Variants in TAFA1 observed in about 807,000 individuals in gnomAD.
TAFA1 encodes chemokine-like protein TAFA-1.
Under a neutral mutation model 18.5 loss-of-function variants are expected in TAFA1, and 4 were observed. The ratio of observed to expected loss-of-function variants is 0.22; its 90% confidence interval spans 0.11 to 0.49. The LOEUF (loss-of-function observed/expected upper bound fraction) is 0.49. TAFA1 is among the 20% of genes least tolerant of loss of function. The probability of loss-of-function intolerance (pLI) is 0.98; values close to 1 mark genes in which losing one functional copy is unlikely to be tolerated. For synonymous variants in TAFA1, 56 were observed against 55.2 expected, an observed-to-expected ratio of 1.01 and a Z score of -0.06; for missense variants, 147 against 169.0, an observed-to-expected ratio of 0.87 and a Z score of 0.72.
chr3:68,289,039 A>C (rs994384644), intron 2 of TAFA1, among the ~76,000 whole-genome samples: 2 of 152,358 alleles, frequency 1.3e-5, no homozygotes, highest in Non-Finnish European at 2.9e-5. Flanking sequence ...AGTGAAAACC[A>C]CATATCATAA....
chr3:68,192,166 T>G (rs1575671040), intron 2 of TAFA1, among the ~76,000 whole-genome samples: 1 of 151,844 alleles, frequency 6.6e-6, no homozygotes, highest in East Asian at 1.9e-4. Flanking sequence ...CAGATCCAGG[T>G]GCTGTAAGGG....
chr3:68,330,975 A>T (rs556648924), intron 2 of TAFA1, among the ~76,000 whole-genome samples: 1 of 152,300 alleles, frequency 6.6e-6, no homozygotes, highest in South Asian at 2.1e-4. Flanking sequence ...TTCAAACAAA[A>T]ATTTTTACAG....
intron 2 of TAFA1, among the ~76,000 whole-genome samples, chr3:68,334,137 G>T (rs1368233938): frequency 6.6e-6 from 1 of 152,100 alleles, no homozygotes; most frequent in African/African-American, 2.4e-5. Context: ...GAGAGTAAAT[G>T]GTAAGCTTAT....
intron 2 of TAFA1, among the ~76,000 whole-genome samples, chr3:68,381,922 C>G (rs922672495): frequency 6.6e-6 from 1 of 152,138 alleles, no homozygotes; most frequent in Non-Finnish European, 1.5e-5. Context: ...ATAGATAGCT[C>G]TTATTATTTT....
In TAFA1 at chr3:68,258,763, A is replaced by T. The variant is rs1491742; in HGVS notation, c.119-158517A>T. ...TTGTTGGAGTATCAGAAGAGGTTGA[A>T]TATGTTTTTCCAGGTTCACTTTCTT... On this transcript the variant is annotated intron_variant, in intron 2 of 4. Coordinates refer to ENST00000478136, the MANE Select transcript of TAFA1 (RefSeq NM_213609.4). Among the ~76,000 whole-genome samples the T allele has an allele frequency of 8.5e-3, 1,294 of 152,284 alleles. 17 individuals are homozygous for T. The highest frequency in any genetic ancestry group is 0.029 in the African/African-American group (1,193 of 41,564).
At chr3:68,323,215 G>T (rs1397667879) in intron 2 of TAFA1, among the ~76,000 whole-genome samples, 1 of 152,146 alleles carries the variant, frequency 6.6e-6, no homozygotes, top group African/African-American at 2.4e-5. Flanking sequence ...ACATATTCCA[G>T]GGAGAACACT....
intron 3 of TAFA1, among the ~76,000 whole-genome samples, chr3:68,503,220 A>T (rs915910726): frequency 2.0e-5 from 3 of 152,162 alleles, no homozygotes; most frequent in Admixed American, 6.6e-5. Flanking sequence ...CAGGCTGTGT[A>T]TAAGGTGCAC....
intron 2 of TAFA1, among the ~76,000 whole-genome samples, chr3:68,082,318 C>T (rs550185210): frequency 1.3e-4 from 20 of 152,286 alleles, no homozygotes; most frequent in Middle Eastern, 3.4e-3. Context: ...TGTTCCTATT[C>T]GGCCATCTTG....
At chr3:68,516,668 G>A (rs565824063) in intron 3 of TAFA1, among the ~76,000 whole-genome samples, 34 of 152,190 alleles carry the variant, frequency 2.2e-4, no homozygotes, top group Non-Finnish European at 4.7e-4. Flanking sequence ...GGAAGGGAAT[G>A]TTTCGTTGTG....
chr3:68,228,017 A>T (rs988466273), intron 2 of TAFA1, among the ~76,000 whole-genome samples: 9 of 152,206 alleles, frequency 5.9e-5, no homozygotes, highest in Non-Finnish European at 8.8e-5. Flanking sequence ...TGACAAGTGC[A>T]TAAGTAGCTT....
intron 2 of TAFA1, among the ~76,000 whole-genome samples, chr3:68,289,907 T>C (rs888235915): frequency 3.3e-5 from 5 of 152,326 alleles, no homozygotes; most frequent in Middle Eastern, 3.4e-3. Flanking sequence ...AATGAATGAA[T>C]GGATGAGTAA....
intron 2 of TAFA1, among the ~76,000 whole-genome samples, chr3:68,256,095 G>T (rs1275241615): frequency 6.6e-6 from 1 of 152,050 alleles, no homozygotes; most frequent in Non-Finnish European, 1.5e-5. Flanking sequence ...TCTAACATCA[G>T]ATCAGATGGC....
At chr3:68,277,759 C>G (rs1361546331) in intron 2 of TAFA1, among the ~76,000 whole-genome samples, 1 of 152,118 alleles carries the variant, frequency 6.6e-6, no homozygotes, top group African/African-American at 2.4e-5. Flanking sequence ...AGATTCTTGT[C>G]TAAGTGTAGA....
At chr3:68,042,981 G>C (rs537669254) in intron 2 of TAFA1, among the ~76,000 whole-genome samples, 1 of 151,984 alleles carries the variant, frequency 6.6e-6, no homozygotes, top group Non-Finnish European at 1.5e-5. Flanking sequence ...TCTACCTCAC[G>C]GGTTCAAGCA....
rs114542624 is a variant in TAFA1, at chr3:68,471,655, G to A, written c.259+54235G>A. On this transcript the variant is annotated intron_variant, in intron 3 of 4. Transcript: ENST00000478136. ...CTCTGCCTGCTTTTATCCTAGCCAT[G>A]CTGGCTGCTGATTAGATGGTGCCCA... Among the ~76,000 whole-genome samples the A allele has an allele frequency of 2.3e-3, 353 of 152,292 alleles. 1 individual carries two copies. Among genetic ancestry groups the A allele is most frequent in the African/African-American group, 8.0e-3 (331 of 41,562 alleles).
At chr3:68,012,010 G>A (rs1292901499) in intron 2 of TAFA1, among the ~76,000 whole-genome samples, 1 of 152,164 alleles carries the variant, frequency 6.6e-6, no homozygotes, top group African/African-American at 2.4e-5. Context: ...ATACCACACT[G>A]CAAACAAAAA....
In TAFA1 at chr3:68,171,188, G is replaced by C. The variant is rs150540483; in HGVS notation, c.118+164444G>C. On this transcript the variant is annotated intron_variant, in intron 2 of 4. Coordinates refer to ENST00000478136, the MANE Select transcript of TAFA1 (RefSeq NM_213609.4). ...CAAAGGTTCTTTAAATGTGGAAGAG[G>C]GAGGTAAAAGAGTTAGTGTTGGAGT... 7.1e-3 allele frequency among the ~76,000 whole-genome samples: 1,078 copies of C among 152,240 alleles called. 4 individuals are homozygous for C. Among genetic ancestry groups the C allele is most frequent in the Non-Finnish European group, 0.012 (789 of 68,014 alleles).
intron 2 of TAFA1, among the ~76,000 whole-genome samples, chr3:68,362,657 C>T (rs1357544359): frequency 2.0e-5 from 3 of 152,096 alleles, no homozygotes; most frequent in Non-Finnish European, 4.4e-5. Flanking sequence ...TTCAACCCTT[C>T]CTGCAGTGAA....
At chr3:68,286,320 C>T (rs768924809) in intron 2 of TAFA1, among the ~76,000 whole-genome samples, 9 of 152,012 alleles carry the variant, frequency 5.9e-5, no homozygotes, top group Admixed American at 2.6e-4. Context: ...AATGAGTCTA[C>T]GTTAGTCCAC....
Sources: allele counts gnomAD v4.1 joint callset (sites outside exome capture counted in the v4.1 genomes callset), GRCh38; gene constraint gnomAD v4.1.1; transcripts MANE v1.5; gene names NCBI Gene and HGNC (gene_info 2026-07-23, HGNC 2026-07-21).